Variants in UBXN8 observed in about 807,000 individuals in gnomAD.
The protein encoded by UBXN8 is UBX domain protein 8, also known as UBX domain-containing protein 8.
Under a neutral mutation model 32.1 loss-of-function variants are expected in UBXN8, and 27 were observed. The ratio of observed to expected loss-of-function variants is 0.84; its 90% CI spans 0.62 to 1.16. The LOEUF is 1.16. Among genes scored for constraint, UBXN8 ranks in the 50% most tolerant of loss-of-function variants. The pLI is 0.00. For synonymous variants in UBXN8, 109 were observed against 111.8 expected (o/e 0.98, Z 0.16); for missense variants, 306 against 311.4 (o/e 0.98, Z 0.13).
upstream of UBXN8, among the ~76,000 whole-genome samples, chr8:30,742,195 T>C (rs1805221091): frequency 6.6e-6 from 1 of 152,206 alleles, no homozygotes; most frequent in African/African-American, 2.4e-5. Flanking sequence ...TATTTTATGG[T>C]ATGTCATGCT....
At chr8:30,732,924 G>A (rs796668113) in exon 1 of UBXN8, 13 of 152,298 alleles carry the variant, frequency 8.5e-5, no homozygotes, top group African/African-American at 2.9e-4. Flanking sequence ...GAATACTAAA[G>A]GACATCATTG....
At chr8:30,752,692 A>C (rs1805546890) in intron 2 of UBXN8, among the ~76,000 whole-genome samples, 1 of 152,198 alleles carries the variant, frequency 6.6e-6, no homozygotes, top group African/African-American at 2.4e-5. Context: ...GAATAGGTGA[A>C]TCTTAAAACC....
intron 1 of UBXN8, among the ~76,000 whole-genome samples, chr8:30,745,322 A>G (rs1805333915): frequency 6.6e-6 from 1 of 152,162 alleles, no homozygotes; most frequent in Non-Finnish European, 1.5e-5. Flanking sequence ...TGGGGGACTG[A>G]GCAAACCTAG....
At chr8:30,753,664 C>T (rs1805572646) in intron 3 of UBXN8, among the ~76,000 whole-genome samples, 1 of 152,162 alleles carries the variant, frequency 6.6e-6, no homozygotes, top group Non-Finnish European at 1.5e-5. Flanking sequence ...TAAACAGTCA[C>T]TCCCCACTCT....
intron 1 of UBXN8, among the ~76,000 whole-genome samples, chr8:30,748,662 T>G (rs1034737777): frequency 6.6e-6 from 1 of 152,122 alleles, no homozygotes; most frequent in Non-Finnish European, 1.5e-5. Flanking sequence ...TGCCTCAGCC[T>G]CCCAAGTGTC....
chr8:30,757,814 T>G (rs558757047), intron 5 of UBXN8, among the ~76,000 whole-genome samples: 1 of 149,278 alleles, frequency 6.7e-6, no homozygotes, highest in Non-Finnish European at 1.5e-5. Context: ...GAGCCTAGAT[T>G]GCGCCACTGC....
upstream of UBXN8, among the ~76,000 whole-genome samples, chr8:30,742,192 T>C (rs572847862): frequency 1.5e-4 from 23 of 152,346 alleles, no homozygotes; most frequent in African/African-American, 5.3e-4. Flanking sequence ...AATTATTTTA[T>C]GGTATGTCAT....
intron 1 of UBXN8, among the ~76,000 whole-genome samples, chr8:30,748,927 C>T (rs1343805081): frequency 6.6e-6 from 1 of 152,188 alleles, no homozygotes; most frequent in African/African-American, 2.4e-5. Context: ...CTCTGTATCT[C>T]TGCCATTTAT....
rs1303575365 is a variant in UBXN8, at chr8:30,753,032, TAGA to T, written c.220_222del (p.Glu74del). On this transcript the variant is annotated splice_acceptor_variant and coding_sequence_variant, in exon 3 of 8. Coordinates refer to ENST00000265616, the MANE Select transcript of UBXN8 (RefSeq NM_005671.4). LOFTEE classifies it high-confidence loss of function. The stretch of plus-strand genomic sequence containing the variant: ...AAAGCACTTTTATGTTTTGATGTCT[TAGA>T]AGAAGAAGAAAAGAATGAGAAAAGA... The T allele has an allele frequency of 9.2e-6, 14 of 1,518,194 alleles. No homozygotes were observed. The highest frequency in any genetic ancestry group is 2.7e-5 in the South Asian group (2 of 75,320). 94.0% of individuals were successfully genotyped at this position (1,518,194 alleles called of 1,614,324 possible).
intron 6 of UBXN8, among the ~76,000 whole-genome samples, chr8:30,761,898 A>G (rs138239414): frequency 1.1e-3 from 170 of 152,166 alleles, no homozygotes; most frequent in African/African-American, 4.0e-3. Flanking sequence ...TTGCTGGGTC[A>G]TAGTCCGTGA....
At chr8:30,746,515 A>AT (rs58215831) in intron 1 of UBXN8, among the ~76,000 whole-genome samples, 18,602 of 121,466 alleles carry the variant, frequency 0.15, 5,181 homozygotes, top group African/African-American at 0.55. Context: ...CTTAAGCTAG[A>AT]TTTTTTTTTT....
chr8:30,765,361 C>CTCCCCGGAACCTCAAG (rs1805970508), intron 7 of UBXN8, among the ~76,000 whole-genome samples: 1 of 151,718 alleles, frequency 6.6e-6, no homozygotes, highest in Admixed American at 6.6e-5. Context: ...GAAACCTCAA[C>CTCCCCGGAACCTCAAG]CTCCCCGGAC....
chr8:30,741,746 G>C (rs1187616813), upstream of UBXN8, among the ~76,000 whole-genome samples: 1 of 152,052 alleles, frequency 6.6e-6, no homozygotes, highest in Non-Finnish European at 1.5e-5. Flanking sequence ...CACCGCGCCC[G>C]GCCACAATGT....
intron 1 of UBXN8, 191 bp downstream of exon 1, chr8:30,744,468 G>A: frequency 1.6e-6 from 1 of 625,140 alleles, no homozygotes; most frequent in East Asian, 2.7e-5. Context: ...CAGGTGTGAT[G>A]GTTTTACGTG....
intron 6 of UBXN8, among the ~76,000 whole-genome samples, chr8:30,762,222 CCTGA>C (rs1320421051): frequency 1.3e-5 from 2 of 151,782 alleles, no homozygotes; most frequent in Non-Finnish European, 2.9e-5. Flanking sequence ...TGCCACCAGC[CCTGA>C]CTAATTTTTA....
At chr8:30,760,439 A>ATTTTTTT (rs1221804217) in intron 5 of UBXN8, among the ~76,000 whole-genome samples, 20 of 43,194 alleles carry the variant, frequency 4.6e-4, no homozygotes, top group African/African-American at 1.6e-3. Flanking sequence ...ATATATATAT[A>ATTTTTTT]TATATTTTTT....
At chr8:30,732,715 T>G (rs975950735) in exon 1 of UBXN8, 1 of 153,784 alleles carries the variant, frequency 6.5e-6, no homozygotes, top group Non-Finnish European at 1.4e-5. Flanking sequence ...AGATGGCAGT[T>G]GGGAGTTTTA....
intron 4 of UBXN8, chr8:30,756,329 G>C (rs147640582): frequency 3.1e-5 from 5 of 159,394 alleles, no homozygotes; most frequent in African/African-American, 1.2e-4. Context: ...CTTTTTAGTA[G>C]AGATGGGATT....
intron 1 of UBXN8, among the ~76,000 whole-genome samples, chr8:30,747,490 T>C (rs1308646310): frequency 7.2e-6 from 1 of 139,754 alleles, no homozygotes; most frequent in Non-Finnish European, 1.5e-5. Context: ...TTTGTATTTT[T>C]AGTAGAGACG....
Sources: allele counts gnomAD v4.1 joint callset (sites outside exome capture counted in the v4.1 genomes callset), GRCh38; gene constraint gnomAD v4.1.1; transcripts MANE v1.5; gene names NCBI Gene and HGNC (gene_info 2026-07-23, HGNC 2026-07-21).